Variants in AQR observed in about 807,000 individuals in gnomAD.
AQR encodes RNA helicase aquarius.
Under a neutral mutation model 180.5 loss-of-function variants are expected in AQR, and 61 were observed. The ratio of observed to expected loss-of-function variants is 0.34; its 90% CI spans 0.28 to 0.42. AQR has a LOEUF of 0.42. Ranked by LOEUF, AQR falls within the 10% of genes least tolerant of loss-of-function variation. The probability of loss-of-function intolerance (pLI) is 1.00; values close to 1 mark genes in which losing one functional copy is unlikely to be tolerated. For synonymous variants in AQR, 551 were observed against 588.8 expected (o/e 0.94, Z 0.93); for missense variants, 1,281 against 1,798.3 (o/e 0.71, Z 5.20).
At chr15:34,946,490 A>T (rs1894120005) in intron 5 of AQR, among the ~76,000 whole-genome samples, 1 of 125,600 alleles carries the variant, frequency 8.0e-6, no homozygotes, top group Non-Finnish European at 1.6e-5. Context: ...TGGGGGGGTC[A>T]GCCCCCCGCC....
At chr15:34,939,822 C>G (rs1022513985) in intron 8 of AQR, among the ~76,000 whole-genome samples, 5 of 152,228 alleles carry the variant, frequency 3.3e-5, no homozygotes, top group Non-Finnish European at 7.3e-5. Context: ...AAACACTTCA[C>G]ATCTTATTTA....
intron 20 of AQR, among the ~76,000 whole-genome samples, 177 bp downstream of exon 20, chr15:34,900,445 G>T (rs576568811): frequency 6.6e-6 from 1 of 152,174 alleles, no homozygotes; most frequent in Non-Finnish European, 1.5e-5. Flanking sequence ...AACTTCTGCA[G>T]TAAGAAATAG....
At chr15:34,867,282 ATC>A (rs1197845483) in intron 32 of AQR, among the ~76,000 whole-genome samples, 2 of 152,158 alleles carry the variant, frequency 1.3e-5, no homozygotes, top group African/African-American at 4.8e-5. Flanking sequence ...ATAAAACGCT[ATC>A]TCTGAGGGTT....
chr15:34,911,485 T>C (rs1893497687), intron 16 of AQR, among the ~76,000 whole-genome samples: 1 of 152,226 alleles, frequency 6.6e-6, no homozygotes, highest in African/African-American at 2.4e-5. Flanking sequence ...ACAGCCATTC[T>C]AACAGGTGTG....
At chr15:34,867,893 T>C (rs1416313063) in intron 31 of AQR, 15 of 258,846 alleles carry the variant, frequency 5.8e-5, no homozygotes, top group Non-Finnish European at 5.1e-5. Flanking sequence ...CCCCATTAGA[T>C]TGCAAAACTT....
In AQR at chr15:34,906,590, C is replaced by T; in HGVS notation, c.1786G>A (p.Glu596Lys). The change falls in exon 18 of 35, where the codon GAA becomes AAA. Residue 596 changes from glutamate to lysine, a missense_variant. Glu to Lys is a moderately conservative substitution (Grantham distance 56). Transcript: ENST00000156471. Reference sequence around the variant, plus strand: ...TTATCATCCAGCATGCCCTGAATTTCACAGCCTCTGACATAAACCAGGCCA... The same window carrying T: ...TTATCATCCAGCATGCCCTGAATTTTACAGCCTCTGACATAAACCAGGCCA... The part of the protein sequence containing the change: ...QVGLVYVRGC[E>K]IQGMLDDKGR... The T allele has an allele frequency of 6.2e-7, 1 of 1,614,144 alleles. No individual in the cohort carries two copies. Among genetic ancestry groups the T allele is most frequent in the Non-Finnish European group, 8.5e-7 (1 of 1,180,002 alleles).
intron 25 of AQR, 33 bp from the exon 26 acceptor site, chr15:34,884,767 G>T: frequency 3.4e-6 from 5 of 1,474,748 alleles, no homozygotes; most frequent in Non-Finnish European, 4.7e-6. Flanking sequence ...TTAACTGCCA[G>T]CTAATTATGA....
chr15:34,872,978 C>T (rs563700257), intron 30 of AQR, among the ~76,000 whole-genome samples: 1 of 152,072 alleles, frequency 6.6e-6, no homozygotes, highest in South Asian at 2.1e-4. Flanking sequence ...ATTGCAGCTC[C>T]TTTTTAAAAT....
chr15:34,933,271 A>G (rs1215065625), intron 10 of AQR, among the ~76,000 whole-genome samples: 4 of 152,226 alleles, frequency 2.6e-5, no homozygotes, highest in Non-Finnish European at 5.9e-5. Context: ...GAAAGATCTC[A>G]TGAATGACTG....
At position 34,918,302 on chromosome 15, in the gene AQR, A is replaced by G. The variant is rs1893627163; in HGVS notation, c.1298T>C (p.Ile433Thr). The change falls in exon 15 of 35, where the codon ATA (isoleucine) becomes ACA (threonine). Residue 433 changes from isoleucine (I) to threonine (T), a missense_variant. Ile to Thr is a moderately conservative substitution (Grantham distance 89, BLOSUM62 -1). Transcript: ENST00000156471. ...QMPLYPTEKIIWDENIVPTEY... is the reference protein window; with the variant it reads ...QMPLYPTEKITWDENIVPTEY... ...AGTTGGGACAATATTTTCATCCCAT[A>G]TAATTTTCTCAGTTGGATACAAAGG... 1.2e-6 allele frequency: 2 copies of G among 1,613,880 alleles called. No homozygotes were observed. The highest frequency in any genetic ancestry group is 1.3e-5 in the African/African-American group (1 of 75,036).
At position 34,852,043 on chromosome 15, in the gene AQR, G is replaced by T. The variant is rs1441749888; in HGVS notation, c.*4749C>A. 1.3e-5 allele frequency: 2 copies of T among 151,946 alleles called. No individual in the cohort carries two copies. Among genetic ancestry groups the T allele is most frequent in the South Asian group, 4.2e-4 (2 of 4,812 alleles). The allele number at this position is 151,946 out of a possible 1,614,324, so 9.4% of individuals were successfully genotyped here. On this transcript the variant is annotated 3_prime_UTR_variant, in exon 35 of 35. Coordinates refer to ENST00000156471, the MANE Select transcript of AQR (RefSeq NM_014691.3). ...TCACTTCACTTCTGGTTTCCTCTTC[G>T]GCTGTTACTTCACCCTCTGGTTACC...
chr15:34,925,504 T>C (rs1893747576), intron 13 of AQR, among the ~76,000 whole-genome samples: 1 of 152,204 alleles, frequency 6.6e-6, no homozygotes, highest in African/African-American at 2.4e-5. Flanking sequence ...AGGATGCTCA[T>C]TGCAGAACTG....
intron 20 of AQR, among the ~76,000 whole-genome samples, chr15:34,898,728 C>CA: frequency 6.6e-6 from 1 of 150,756 alleles, no homozygotes; most frequent in South Asian, 2.1e-4. Flanking sequence ...ACTAAAAATA[C>CA]AAAAAATTAG....
chr15:34,942,120 A>G (rs940940612), intron 6 of AQR, 40 bp from the exon 7 acceptor site: 1 of 1,510,162 alleles, frequency 6.6e-7, no homozygotes, highest in South Asian at 1.2e-5. Flanking sequence ...TAAACATACC[A>G]GCATTTCTAC....
intron 26 of AQR, among the ~76,000 whole-genome samples, chr15:34,882,979 A>G (rs1892998200): frequency 6.6e-6 from 1 of 152,226 alleles, no homozygotes; most frequent in Non-Finnish European, 1.5e-5. Context: ...AGGAAATTTT[A>G]GCAAGAAACT....
chr15:34,950,693 G>GT (rs1322028634), intron 4 of AQR, among the ~76,000 whole-genome samples: 1 of 151,766 alleles, frequency 6.6e-6, no homozygotes, highest in Non-Finnish European at 1.5e-5. Flanking sequence ...GGTGGGGGCA[G>GT]GGGGGAAATA....
intron 20 of AQR, among the ~76,000 whole-genome samples, chr15:34,899,375 G>A (rs1010211782): frequency 6.6e-6 from 1 of 151,998 alleles, no homozygotes; most frequent in African/African-American, 2.4e-5. Flanking sequence ...TATTTAAAAT[G>A]TAGAATTAAT....
At position 34,912,548 on chromosome 15, in the gene AQR, A is replaced by G. The variant is rs536873403; in HGVS notation, c.1485-2235T>C. On this transcript the variant is annotated intron_variant, in intron 16 of 34. Transcript: ENST00000156471. ...CATTTTAGGACAAGCTATAATTTCAAAAAAAATTAAAAACAAGCAAACAAA... is the reference window on the plus strand; with the variant it reads ...CATTTTAGGACAAGCTATAATTTCAGAAAAAATTAAAAACAAGCAAACAAA... Among the ~76,000 whole-genome samples, 8 of 152,122 alleles carry G rather than the reference A, an allele frequency of 5.3e-5. No individual in the cohort carries two copies. The South Asian group carries it at 1.7e-3, about 31-fold the overall frequency.
chr15:34,893,607 G>GCACACACACACACACACACACA (rs386382691), intron 23 of AQR, 56 bp downstream of exon 23: 1 of 901,566 alleles, frequency 1.1e-6, no homozygotes, highest in East Asian at 3.3e-5. Flanking sequence ...GCGCATGCGT[G>GCACACACACACACACACACACA]CACACACACA....
Sources: gnomAD v4.1 joint callset for allele counts (sites outside exome capture counted in the v4.1 genomes callset) on GRCh38, gnomAD v4.1.1 for gene constraint, MANE v1.5 for transcripts, NCBI Gene and HGNC (gene_info 2026-07-23, HGNC 2026-07-21) for gene names.